NEGR1: variants seen among roughly 807,000 people sequenced by gnomAD.
The protein encoded by NEGR1 is neuronal growth regulator 1, also known as IgLON family member 4.
In NEGR1, 10 loss-of-function variants were observed where a neutral mutation model predicts 40.9. The observed-to-expected ratio is 0.24, with a 90% CI of 0.15 to 0.42. The LOEUF (loss-of-function observed/expected upper bound fraction) is 0.42. Ranked by LOEUF, NEGR1 falls within the 10% of genes least tolerant of loss-of-function variation. The pLI is 1.00. For synonymous variants in NEGR1, 185 were observed against 166.8 expected, an observed-to-expected ratio of 1.11 and a Z score of -0.84; for missense variants, 352 against 438.9, an observed-to-expected ratio of 0.80 and a Z score of 1.77.
intron 4 of NEGR1, among the ~76,000 whole-genome samples, chr1:71,656,463 A>G (rs1651878633): frequency 6.6e-6 from 1 of 152,022 alleles, no homozygotes; most frequent in African/African-American, 2.4e-5. Flanking sequence ...CCCAAGCTGG[A>G]GTGCAGTGGC....
chr1:71,872,744 C>T (rs965702375), intron 2 of NEGR1, among the ~76,000 whole-genome samples: 1 of 152,122 alleles, frequency 6.6e-6, no homozygotes, highest in East Asian at 1.9e-4. Flanking sequence ...CAATAATATG[C>T]TGCTGGCCAT....
At chr1:71,873,592 A>G (rs1293928117) in intron 2 of NEGR1, among the ~76,000 whole-genome samples, 2 of 152,164 alleles carry the variant, frequency 1.3e-5, no homozygotes, top group Non-Finnish European at 2.9e-5. Flanking sequence ...TGTGCACTCT[A>G]AATAATCTAT....
intron 2 of NEGR1, among the ~76,000 whole-genome samples, chr1:71,898,004 A>C (rs554632783): frequency 1.3e-5 from 2 of 152,254 alleles, no homozygotes; most frequent in East Asian, 3.9e-4. Context: ...TACGGATAGT[A>C]TTTTCTGAAG....
intron 1 of NEGR1, among the ~76,000 whole-genome samples, chr1:72,185,488 T>A (rs908321766): frequency 1.3e-5 from 2 of 151,724 alleles, no homozygotes; most frequent in African/African-American, 4.8e-5. Flanking sequence ...TGAGAAACAA[T>A]AAGGGCTGCC....
At chr1:71,852,190 T>C (rs546383983) in intron 2 of NEGR1, among the ~76,000 whole-genome samples, 1 of 152,180 alleles carries the variant, frequency 6.6e-6, no homozygotes, top group African/African-American at 2.4e-5. Context: ...TGCTACATAA[T>C]AAGAGATTGC....
At chr1:71,992,134 C>T (rs776269605) in intron 1 of NEGR1, among the ~76,000 whole-genome samples, 2 of 151,760 alleles carry the variant, frequency 1.3e-5, no homozygotes, top group Non-Finnish European at 2.9e-5. Context: ...TAGTCTACTA[C>T]CAATATAGAT....
At chr1:71,832,970 A>T (rs553681661) in intron 2 of NEGR1, among the ~76,000 whole-genome samples, 1 of 152,170 alleles carries the variant, frequency 6.6e-6, no homozygotes, top group South Asian at 2.1e-4. Context: ...CTCAAAATGG[A>T]AAGAATCAGT....
chr1:71,711,977 A>C (rs2101644189), intron 3 of NEGR1, among the ~76,000 whole-genome samples: 1 of 152,350 alleles, frequency 6.6e-6, no homozygotes, highest in Non-Finnish European at 1.5e-5. Context: ...TGGCAAAACT[A>C]TCAAGGTGAA....
chr1:71,548,556 T>C (rs1647974755), intron 6 of NEGR1, among the ~76,000 whole-genome samples: 1 of 151,744 alleles, frequency 6.6e-6, no homozygotes, highest in Non-Finnish European at 1.5e-5. Flanking sequence ...AAAGACATCT[T>C]ACATTCTTGG....
At chr1:71,719,533 G>T (rs11209830) in intron 3 of NEGR1, among the ~76,000 whole-genome samples, 47,951 of 151,834 alleles carry the variant, frequency 0.32, 8,790 homozygotes, top group East Asian at 0.57. Context: ...TTCTGGTGAC[G>T]TCACACTAGC....
chr1:71,954,302 G>A (rs1218773293), intron 1 of NEGR1, among the ~76,000 whole-genome samples: 1 of 151,884 alleles, frequency 6.6e-6, no homozygotes, highest in East Asian at 1.9e-4. Context: ...AATTCGCTTG[G>A]AGGTAAATGA....
At chr1:72,149,172 G>A (rs1336743859) in intron 1 of NEGR1, among the ~76,000 whole-genome samples, 1 of 152,092 alleles carries the variant, frequency 6.6e-6, no homozygotes, top group African/African-American at 2.4e-5. Context: ...TACATGGGGG[G>A]CAGCAAGAAA....
chr1:72,247,415 C>T (rs1010580624), intron 1 of NEGR1, among the ~76,000 whole-genome samples: 1 of 152,164 alleles, frequency 6.6e-6, no homozygotes, highest in Non-Finnish European at 1.5e-5. Flanking sequence ...TTGGAAGCAG[C>T]CAAGTCACAT....
At chr1:71,498,042 A>T (rs1646976465) in intron 6 of NEGR1, among the ~76,000 whole-genome samples, 1 of 151,862 alleles carries the variant, frequency 6.6e-6, no homozygotes. Context: ...ACATGAGTTC[A>T]TTAATACTTG....
chr1:71,543,767 C>T (rs747944575), intron 6 of NEGR1, among the ~76,000 whole-genome samples: 12 of 151,646 alleles, frequency 7.9e-5, no homozygotes, highest in Non-Finnish European at 1.6e-4. Context: ...TAAATTTATT[C>T]ATTTGAGAAA....
intron 1 of NEGR1, among the ~76,000 whole-genome samples, chr1:72,280,742 C>T (rs1176622424): frequency 6.6e-6 from 1 of 152,032 alleles, no homozygotes; most frequent in African/African-American, 2.4e-5. Context: ...TAGGCATGTT[C>T]CAAAAGGTGT....
rs114077286 is a variant in NEGR1 at position 72,076,607 on chromosome 1, A to G, written c.177-141296T>C. On this transcript the variant is annotated intron_variant, in intron 1 of 6. Transcript: ENST00000357731. ...TGACAGTATATCTTGATCTTCCATA[A>G]CAAGTGAGCCAATTTCTACGATAAT... 8.0e-3 allele frequency among the ~76,000 whole-genome samples: 1,216 copies of G among 151,294 alleles called. 15 individuals are homozygous for G. The highest frequency in any genetic ancestry group is 0.028 in the African/African-American group (1,140 of 41,322).
intron 6 of NEGR1, among the ~76,000 whole-genome samples, chr1:71,446,528 G>T (rs1646583640): frequency 6.6e-6 from 1 of 152,100 alleles, no homozygotes; most frequent in African/African-American, 2.4e-5. Context: ...AACTCACAAT[G>T]TTTTACATAG....
At chr1:71,876,782 C>T (rs1557685447) in intron 2 of NEGR1, among the ~76,000 whole-genome samples, 2 of 151,944 alleles carry the variant, frequency 1.3e-5, no homozygotes, top group Admixed American at 6.6e-5. Flanking sequence ...ATTATGATCC[C>T]ATATTAGGGC....
Sources: allele counts gnomAD v4.1 joint callset (sites outside exome capture counted in the v4.1 genomes callset), GRCh38; gene constraint gnomAD v4.1.1; transcripts MANE v1.5; gene names NCBI Gene and HGNC (gene_info 2026-07-23, HGNC 2026-07-21).